Variants in CNTLN observed in about 807,000 individuals in gnomAD.
CNTLN encodes centlein, also known as centlein, centrosomal protein.
A neutral mutation model predicts 180.0 loss-of-function variants in CNTLN; 212 were observed. That is an observed-to-expected ratio of 1.18 (90% CI 1.05 to 1.32). The LOEUF (loss-of-function observed/expected upper bound fraction) is 1.32, where lower values mean the gene tolerates loss of function less well. Among genes scored for constraint, CNTLN ranks in the 40% most tolerant of loss-of-function variants. CNTLN has a pLI of 0.00. For missense variants in CNTLN, 2,095 were observed against 1,610.9 expected (o/e 1.30, Z -5.14); for synonymous variants, 722 against 563.1 (o/e 1.28, Z -3.99).
chr9:17,191,445 C>T (rs945593853), intron 2 of CNTLN, among the ~76,000 whole-genome samples: 1 of 152,204 alleles, frequency 6.6e-6, no homozygotes, highest in African/African-American at 2.4e-5. Flanking sequence ...GTGTCTGCTA[C>T]AGCACCCCTG....
chr9:17,279,933 C>G (rs756753116), intron 6 of CNTLN, among the ~76,000 whole-genome samples: 2 of 147,212 alleles, frequency 1.4e-5, no homozygotes, highest in Non-Finnish European at 3.0e-5. Flanking sequence ...CCTTATAAGA[C>G]GAAGAGAGAC....
chr9:17,500,883 T>C (rs1833714487), intron 25 of CNTLN, among the ~76,000 whole-genome samples: 1 of 152,236 alleles, frequency 6.6e-6, no homozygotes, highest in Non-Finnish European at 1.5e-5. Flanking sequence ...AAGGTTTAAA[T>C]TTTTATTTGT....
chr9:17,462,937 A>G lies in CNTLN; in HGVS notation c.3328A>G (p.Lys1110Glu). The G allele has an allele frequency of 2.5e-6, 4 of 1,574,848 alleles. No individual in the cohort carries two copies. Among genetic ancestry groups the G allele is most frequent in the Non-Finnish European group, 3.4e-6 (4 of 1,162,470 alleles). The change falls in exon 20 of 26, where the codon AAA (lysine) becomes GAA (glutamate). Residue 1110 changes from lysine (K) to glutamate (E), a missense_variant. Physicochemically the swap from Lys to Glu is moderately conservative, Grantham distance 56. Transcript: ENST00000380647. Reference sequence around the variant, plus strand: ...CTAGAATGCTACTAATGAACTCACTAAACAGTCATCAAATGTGAAGACTTT... The same window carrying G: ...CTAGAATGCTACTAATGAACTCACTGAACAGTCATCAAATGTGAAGACTTT... ...KLKNATNELT[K>E]QSSNVKTLKF...
intron 14 of CNTLN, among the ~76,000 whole-genome samples, chr9:17,390,134 C>G (rs928539971): frequency 6.6e-6 from 1 of 151,946 alleles, no homozygotes; most frequent in African/African-American, 2.4e-5. Flanking sequence ...GTTTAAGTCA[C>G]CTACTCTGTT....
chr9:17,216,098 G>T lies in CNTLN; in HGVS notation c.450-10105G>T, dbSNP rs187286601. ...TGACAAGCCCCAGTGAGTTGAACCC[G>T]TTACCTCAGTTGGAAATGCAGAAAT... On this transcript the variant is annotated intron_variant, in intron 2 of 25. Transcript: ENST00000380647. 5.1e-3 allele frequency among the ~76,000 whole-genome samples: 771 copies of T among 152,202 alleles called. 5 individuals are homozygous for T. The highest frequency in any genetic ancestry group is 8.0e-3 in the Admixed American group (122 of 15,296).
rs1826416537 is a variant in CNTLN at position 17,395,100 on chromosome 9, G to A, written c.2615+31G>A. 3 of 1,569,890 alleles carry A rather than the reference G, an allele frequency of 1.9e-6. No individual in the cohort carries two copies. In the South Asian group the frequency reaches 3.6e-5, roughly 19 times the overall value. On this transcript the variant is annotated intron_variant, in intron 15 of 25. Transcript: ENST00000380647. Reference sequence around the variant, plus strand: ...GCTCTCATTAACTTAGCTCTGTGGTGGGGACACTGCGCATATGTAAAGCAC... The same window carrying A: ...GCTCTCATTAACTTAGCTCTGTGGTAGGGACACTGCGCATATGTAAAGCAC...
intron 18 of CNTLN, among the ~76,000 whole-genome samples, chr9:17,422,167 A>G (rs1187196354): frequency 3.9e-5 from 6 of 152,174 alleles, no homozygotes; most frequent in African/African-American, 1.4e-4. Context: ...TGTATAATAC[A>G]CTACGATAAA....
chr9:17,450,674 A>G (rs1830730410), intron 18 of CNTLN, among the ~76,000 whole-genome samples: 1 of 152,146 alleles, frequency 6.6e-6, no homozygotes, highest in Non-Finnish European at 1.5e-5. Flanking sequence ...AGTCCTCTAT[A>G]TTACCTTCAT....
intron 23 of CNTLN, among the ~76,000 whole-genome samples, chr9:17,474,548 C>T (rs1832223757): frequency 6.6e-6 from 1 of 152,110 alleles, no homozygotes; most frequent in South Asian, 2.1e-4. Flanking sequence ...GTCTTTTCTC[C>T]ATCTGTTGGC....
the CNTLN span, among the ~76,000 whole-genome samples, chr9:17,518,187 A>G: frequency 6.6e-6 from 1 of 151,666 alleles, no homozygotes; most frequent in Non-Finnish European, 1.5e-5. Context: ...AGCTAGGATT[A>G]CAGATGTGCA....
At chr9:17,400,015 CTTATA>C (rs1826845804) in intron 15 of CNTLN, among the ~76,000 whole-genome samples, 1 of 152,186 alleles carries the variant, frequency 6.6e-6, no homozygotes, top group Non-Finnish European at 1.5e-5. Flanking sequence ...TCATGTAAAA[CTTATA>C]TTAAATAGAT....
intron 18 of CNTLN, among the ~76,000 whole-genome samples, chr9:17,451,274 T>C (rs1337398855): frequency 6.6e-6 from 1 of 152,214 alleles, no homozygotes; most frequent in Non-Finnish European, 1.5e-5. Flanking sequence ...TTATTTACAT[T>C]CTGGTAACAG....
chr9:17,457,909 G>C (rs1831229519), intron 19 of CNTLN, among the ~76,000 whole-genome samples, 194 bp downstream of exon 19: 1 of 151,840 alleles, frequency 6.6e-6, no homozygotes, highest in African/African-American at 2.4e-5. Flanking sequence ...ACCATTCTCT[G>C]AAAAAGACAA....
At chr9:17,496,430 G>A (rs978999916) in intron 25 of CNTLN, among the ~76,000 whole-genome samples, 4 of 152,150 alleles carry the variant, frequency 2.6e-5, no homozygotes, top group African/African-American at 9.7e-5. Context: ...AAGGGAGCGA[G>A]TAAGCTCTCC....
At chr9:17,268,586 T>A (rs10962982) in intron 5 of CNTLN, among the ~76,000 whole-genome samples, 6 of 151,872 alleles carry the variant, frequency 4.0e-5, no homozygotes, top group Admixed American at 2.6e-4. Context: ...GGGACATTTA[T>A]GTCTGCAGAG....
intron 19 of CNTLN, among the ~76,000 whole-genome samples, chr9:17,460,127 A>T (rs1831366174): frequency 1.3e-5 from 2 of 151,680 alleles, no homozygotes; most frequent in Admixed American, 6.6e-5. Flanking sequence ...TTTTACATAT[A>T]CTTTTCTGAT....
intron 14 of CNTLN, among the ~76,000 whole-genome samples, chr9:17,392,123 C>G (rs556746762): frequency 6.6e-6 from 1 of 151,942 alleles, no homozygotes; most frequent in African/African-American, 2.4e-5. Flanking sequence ...AAAAATTAGC[C>G]AAGTGTGATG....
chr9:17,381,396 C>G (rs1348501557), intron 13 of CNTLN, among the ~76,000 whole-genome samples: 1 of 152,204 alleles, frequency 6.6e-6, no homozygotes, highest in Non-Finnish European at 1.5e-5. Context: ...CTCATACTAT[C>G]AGCATTCTGC....
chr9:17,263,975 T>A (rs917708555), intron 5 of CNTLN, among the ~76,000 whole-genome samples: 1 of 145,036 alleles, frequency 6.9e-6, no homozygotes, highest in Non-Finnish European at 1.5e-5. Context: ...TGCGAAAATT[T>A]TCTCCCATTT....
Sources: gnomAD v4.1 joint callset for allele counts (sites outside exome capture counted in the v4.1 genomes callset) on GRCh38, gnomAD v4.1.1 for gene constraint, MANE v1.5 for transcripts, NCBI Gene and HGNC (gene_info 2026-07-23, HGNC 2026-07-21) for gene names.